The following MCPH1 variants were observed in gnomAD, a reference collection of about 807,000 sequenced individuals.
MCPH1 encodes microcephalin 1, also known as microcephalin.
A neutral mutation model predicts 84.5 loss-of-function variants in MCPH1; 104 were observed. The observed-to-expected ratio is 1.23, with a 90% CI of 1.05 to 1.45. The LOEUF is 1.45. Ranked by LOEUF, MCPH1 falls within the 40% of genes most tolerant of loss-of-function variation. The pLI, the probability that MCPH1 is intolerant of heterozygous loss-of-function variation, is 0.00. For synonymous variants in MCPH1, 514 were observed against 366.8 expected (o/e 1.40, Z -4.58); for missense variants, 1,498 against 1,005.7 (o/e 1.49, Z -6.62).
intron 13 of MCPH1, among the ~76,000 whole-genome samples, chr8:6,638,219 G>A (rs561573801): frequency 1.9e-4 from 29 of 152,166 alleles, no homozygotes; most frequent in Admixed American, 3.9e-4. Context: ...CCATGAAGCC[G>A]CAGAGGCTGG....
chr8:6,637,088 T>C (rs192647768), intron 13 of MCPH1, among the ~76,000 whole-genome samples: 2 of 152,338 alleles, frequency 1.3e-5, no homozygotes, highest in Non-Finnish European at 1.5e-5. Context: ...CAACACATGG[T>C]ATCAGGTCAT....
At chr8:6,477,652 C>G in intron 10 of MCPH1, 21 bp downstream of exon 10, 1 of 1,604,968 alleles carries the variant, frequency 6.2e-7, no homozygotes, top group Non-Finnish European at 8.5e-7. Flanking sequence ...GTTTTGATTT[C>G]TGTTCAATGT....
rs1813285609 is a variant in MCPH1, at chr8:6,505,382, T to TTTATATACATAAAGAATATATATA, written c.2214+5455_2214+5456insATATACATAAAGAATATATATATT. On this transcript the variant is annotated intron_variant, in intron 12 of 13. Transcript: ENST00000344683. ...ATATGTATATAGAATATATATATTCTTTCTATATGTATATAGAATATATAT... is the reference window on the plus strand; with the variant it reads ...ATATGTATATAGAATATATATATTCTTTATATACATAAAGAATATATATATTCTATATGTATATAGAATATATAT... Among the ~76,000 whole-genome samples the TTTATATACATAAAGAATATATATA allele has an allele frequency of 2.2e-4, 13 of 59,404 alleles. 1 individual carries two copies. Among genetic ancestry groups the TTTATATACATAAAGAATATATATA allele is most frequent in the African/African-American group, 6.5e-4 (12 of 18,548 alleles). 39.0% of individuals were successfully genotyped at this position (59,404 alleles called of 152,430 possible).
intron 3 of MCPH1, among the ~76,000 whole-genome samples, chr8:6,424,000 C>G (rs1405001104): frequency 6.6e-6 from 1 of 152,112 alleles, no homozygotes; most frequent in African/African-American, 2.4e-5. Context: ...TCACGTCTGT[C>G]CTTTCTTGGT....
At chr8:6,619,912 G>A (rs1295625557) in intron 12 of MCPH1, among the ~76,000 whole-genome samples, 3 of 152,204 alleles carry the variant, frequency 2.0e-5, no homozygotes, top group African/African-American at 7.2e-5. Flanking sequence ...CTTTTTGAAT[G>A]TATGTGTGTC....
At chr8:6,469,235 A>C (rs1807401412) in intron 9 of MCPH1, among the ~76,000 whole-genome samples, 1 of 147,898 alleles carries the variant, frequency 6.8e-6, no homozygotes. Context: ...CACTGAACCC[A>C]TCTTTAGATC....
intron 12 of MCPH1, among the ~76,000 whole-genome samples, chr8:6,584,960 C>T (rs968679478): frequency 6.6e-6 from 1 of 152,184 alleles, no homozygotes; most frequent in Non-Finnish European, 1.5e-5. Flanking sequence ...CCTGTTGAGT[C>T]GAATTGGCAA....
chr8:6,639,735 TTTTA>T (rs1797804033), intron 13 of MCPH1, among the ~76,000 whole-genome samples: 1 of 152,128 alleles, frequency 6.6e-6, no homozygotes, highest in African/African-American at 2.4e-5. Context: ...AGGGATTTGT[TTTTA>T]TATATATTGG....
At chr8:6,407,161 G>C (rs1447655399) in intron 1 of MCPH1, 1 of 230,088 alleles carries the variant, frequency 4.3e-6, no homozygotes, top group Non-Finnish European at 8.7e-6. Flanking sequence ...AAGTTGGTGT[G>C]GGGCCCTCCT....
chr8:6,508,739 C>T (rs1374235012), intron 12 of MCPH1: 1 of 756,994 alleles, frequency 1.3e-6, no homozygotes, highest in African/African-American at 1.8e-5. Flanking sequence ...AAGTCTAGCT[C>T]CATATCATAT....
chr8:6,406,663 C>A lies in MCPH1; in HGVS notation c.-5C>A. On this transcript the variant is annotated 5_prime_UTR_variant, in exon 1 of 14. The change creates a new upstream start codon in the 5' untranslated region. Coordinates refer to ENST00000344683, the MANE Select transcript of MCPH1 (RefSeq NM_024596.5). ...AGGCCAGCTGGCCGGATCCCGCCGTCTGTCATGGCGGCCCCCATCCTGAAA... is the reference window on the plus strand; with the variant it reads ...AGGCCAGCTGGCCGGATCCCGCCGTATGTCATGGCGGCCCCCATCCTGAAA... 6.2e-7 allele frequency: 1 copy of A among 1,612,270 alleles called. No homozygotes were observed. Among genetic ancestry groups the A allele is most frequent in the Non-Finnish European group, 8.5e-7 (1 of 1,179,518 alleles).
intron 7 of MCPH1, among the ~76,000 whole-genome samples, chr8:6,442,480 ATGT>A (rs1385978357): frequency 2.0e-5 from 3 of 152,228 alleles, no homozygotes; most frequent in Admixed American, 6.5e-5. Flanking sequence ...AGCTAAGGAA[ATGT>A]TGTTTCACAC....
At chr8:6,562,964 G>T in intron 12 of MCPH1, 1 of 1,553,852 alleles carries the variant, frequency 6.4e-7, no homozygotes. Context: ...CAGCAGCTTA[G>T]CAAACTTGAG....
At chr8:6,580,624 C>T (rs1258784292) in intron 12 of MCPH1, among the ~76,000 whole-genome samples, 1 of 152,144 alleles carries the variant, frequency 6.6e-6, no homozygotes, top group African/African-American at 2.4e-5. Context: ...GCACTCCAGC[C>T]TGGGCTACAG....
intron 6 of MCPH1, among the ~76,000 whole-genome samples, chr8:6,439,832 A>G (rs17076872): frequency 0.033 from 4,976 of 152,314 alleles, 232 homozygotes; most frequent in African/African-American, 0.1. Flanking sequence ...TAAAACATTT[A>G]TCAAAGTAGC....
intron 12 of MCPH1, chr8:6,503,111 G>A (rs537224820): frequency 1.2e-6 from 2 of 1,614,178 alleles, no homozygotes; most frequent in Admixed American, 1.7e-5. Flanking sequence ...TTAGAAATCT[G>A]CTGGTCGGAT....
chr8:6,502,098 T>A (rs1424148776), intron 12 of MCPH1: 1 of 152,100 alleles, frequency 6.6e-6, no homozygotes, highest in Non-Finnish European at 1.5e-5. Context: ...TCTATAAAAA[T>A]ATATCTTACT....
intron 12 of MCPH1, among the ~76,000 whole-genome samples, chr8:6,582,324 A>G (rs1283294442): frequency 1.3e-5 from 2 of 152,220 alleles, no homozygotes; most frequent in African/African-American, 4.8e-5. Context: ...CAATCCTCAT[A>G]GTAACTCTTC....
rs867901640 is a variant in MCPH1, at chr8:6,466,080, G to A, written c.1935+10828G>A. Among the ~76,000 whole-genome samples the A allele has an allele frequency of 1.1e-4, 16 of 149,594 alleles. No homozygotes were observed. In the South Asian group the frequency reaches 3.4e-3, roughly 32 times the overall value. ...AGTGATTCTTGTGCCTCAGCCTCCC[G>A]AGTAGCTGGGACTACAGGCCCGTGC... On this transcript the variant is annotated intron_variant, in intron 9 of 13. Coordinates refer to ENST00000344683, the MANE Select transcript of MCPH1 (RefSeq NM_024596.5).
Sources: allele counts gnomAD v4.1 joint callset (sites outside exome capture counted in the v4.1 genomes callset), GRCh38; gene constraint gnomAD v4.1.1; transcripts MANE v1.5; gene names NCBI Gene and HGNC (gene_info 2026-07-23, HGNC 2026-07-21).